Variants in DNA2 observed in about 807,000 individuals in gnomAD.
DNA2 encodes DNA replication ATP-dependent helicase/nuclease DNA2.
Under a neutral mutation model 119.1 loss-of-function variants are expected in DNA2, and 101 were observed. The observed-to-expected ratio is 0.85, with a 90% CI of 0.72 to 1.00. The LOEUF (loss-of-function observed/expected upper bound fraction) is 1.00, where lower values mean the gene tolerates loss of function less well. Ranked by LOEUF, DNA2 falls within the 50% of genes least tolerant of loss-of-function variation. The pLI, the probability that DNA2 is intolerant of heterozygous loss-of-function variation, is 0.00. For synonymous variants in DNA2, 366 were observed against 424.4 expected, an observed-to-expected ratio of 0.86 and a Z score of 1.69; for missense variants, 1,121 against 1,255.5, an observed-to-expected ratio of 0.89 and a Z score of 1.62.
intron 10 of DNA2, 39 bp downstream of exon 10, chr10:68,436,972 T>A (rs1046240429): frequency 1.7e-5 from 24 of 1,453,862 alleles, no homozygotes; most frequent in Non-Finnish European, 2.3e-5. Context: ...GAATTATATA[T>A]CAATAAAGCT....
At position 68,431,756 on chromosome 10, in the gene DNA2, C is replaced by A. The variant is rs1401453119; in HGVS notation, c.1983+106G>T. The A allele has an allele frequency of 8.7e-6, 6 of 688,458 alleles. No individual in the cohort carries two copies. In the East Asian group the frequency reaches 1.1e-4, roughly 12 times the overall value. 42.6% of individuals were successfully genotyped at this position (688,458 alleles called of 1,614,324 possible). A position where few individuals can be genotyped will look rare whatever the true frequency, so the allele number is the denominator to read the frequency against. Reference sequence around the variant, plus strand: ...CTAAAAAGTTCATTTGAAACAAAGACACTGAATTAAAATTCAGCCCTTTTG... The same window carrying A: ...CTAAAAAGTTCATTTGAAACAAAGAAACTGAATTAAAATTCAGCCCTTTTG... On this transcript the variant is annotated intron_variant, in intron 13 of 20. Transcript: ENST00000358410.
At position 68,422,428 on chromosome 10, in the gene DNA2, T is replaced by C. The variant is rs563046954; in HGVS notation, c.2494A>G (p.Lys832Glu). Residue 832 changes from lysine (K) to glutamate (E), a missense_variant and splice_region_variant, in exon 17 of 21, where the codon AAA (lysine) becomes GAA (glutamate). Transcript: ENST00000358410. ...QLTVQYRMNSKIMSLSNKLTY... is the reference protein window; with the variant it reads ...QLTVQYRMNSEIMSLSNKLTY... Reference sequence around the variant, plus strand: ...AGCTTATTACTTAAGGACATAATTTTACTAAGGGAATTACAAAAGATAACT... The same window carrying C: ...AGCTTATTACTTAAGGACATAATTTCACTAAGGGAATTACAAAAGATAACT... 47 of 1,613,348 alleles carry C rather than the reference T, an allele frequency of 2.9e-5. 2 individuals are homozygous for C. The highest frequency in any genetic ancestry group is 2.7e-4 in the East Asian group (12 of 44,886).
intron 6 of DNA2, among the ~76,000 whole-genome samples, chr10:68,449,047 C>G (rs1310738698): frequency 1.3e-5 from 2 of 149,628 alleles, no homozygotes; most frequent in African/African-American, 5.0e-5. Context: ...GATCCACCCA[C>G]CTCGGCCTCC....
chr10:68,450,973 T>C (rs1436699147), intron 5 of DNA2, among the ~76,000 whole-genome samples: 2 of 151,952 alleles, frequency 1.3e-5, no homozygotes, highest in African/African-American at 4.8e-5. Flanking sequence ...GGGTGGCACA[T>C]GCCTGTAATC....
rs748598380 is a variant in DNA2 at position 68,470,083 on chromosome 10, A to C, written c.155T>G (p.Val52Gly). The change falls in exon 2 of 21, where the codon GTC becomes GGC. Residue 52 changes from valine to glycine, a missense_variant. By Grantham distance (109) the Val-to-Gly change is moderately radical (BLOSUM62 -3). Transcript: ENST00000358410. ...GMDNRYLVLA[V>G]NTVQNKEGNC... ...TCCCTCTTTGTTCTGTACAGTATTG[A>C]CTGCCAACACCAGGTACCGGTTATC... The C allele has an allele frequency of 2.5e-6, 4 of 1,613,668 alleles. No homozygotes were observed. The highest frequency in any genetic ancestry group is 3.4e-6 in the Non-Finnish European group (4 of 1,179,854).
chr10:68,471,481 A>G (rs2281700), intron 1 of DNA2, among the ~76,000 whole-genome samples: 22,807 of 152,190 alleles, frequency 0.15, 1,871 homozygotes, highest in East Asian at 0.26. Flanking sequence ...AGAAAAGCCT[A>G]CGGCGGTTGC....
intron 14 of DNA2, among the ~76,000 whole-genome samples, chr10:68,429,270 C>T (rs115623116): frequency 0.026 from 3,905 of 147,954 alleles, 160 homozygotes; most frequent in African/African-American, 0.093. Flanking sequence ...AAAAGCCGGG[C>T]GCAGTAGTTC....
intron 9 of DNA2, among the ~76,000 whole-genome samples, 161 bp from the exon 10 acceptor site, chr10:68,437,402 G>A (rs1427544179): frequency 1.3e-5 from 2 of 151,928 alleles, no homozygotes; most frequent in Admixed American, 6.6e-5. Context: ...CCAGGAGGCC[G>A]AGGCGGGTGG....
chr10:68,439,720 CCA>C (rs920891947), intron 9 of DNA2, among the ~76,000 whole-genome samples: 7 of 151,916 alleles, frequency 4.6e-5, no homozygotes, highest in African/African-American at 1.7e-4. Context: ...GCCTGTAATC[CCA>C]GTTTACTCGG....
chr10:68,425,395 T>C (rs1025433073), intron 14 of DNA2, among the ~76,000 whole-genome samples: 1 of 150,220 alleles, frequency 6.7e-6, no homozygotes. Flanking sequence ...GGCCCGGCCA[T>C]GTTTGTGTTC....
intron 6 of DNA2, among the ~76,000 whole-genome samples, chr10:68,447,779 C>G (rs567572326): frequency 2.8e-4 from 43 of 151,522 alleles, no homozygotes; most frequent in African/African-American, 1.0e-3. Context: ...GTCAGGAGAT[C>G]GAGACCATCC....
intron 9 of DNA2, among the ~76,000 whole-genome samples, chr10:68,441,511 C>T (rs1299518919): frequency 6.6e-6 from 1 of 152,018 alleles, no homozygotes; most frequent in East Asian, 1.9e-4. Flanking sequence ...GGCAAGGTGG[C>T]TCACGCCTGT....
chr10:68,419,984 G>T, intron 17 of DNA2, 92 bp from the exon 18 acceptor site: 1 of 947,602 alleles, frequency 1.1e-6, no homozygotes, highest in Non-Finnish European at 1.6e-6. Flanking sequence ...CTACCGACTT[G>T]GAGATGAAAA....
intron 9 of DNA2, among the ~76,000 whole-genome samples, chr10:68,438,734 T>G (rs1016207189): frequency 6.6e-6 from 1 of 152,048 alleles, no homozygotes; most frequent in Non-Finnish European, 1.5e-5. Flanking sequence ...TGAAGTCATG[T>G]TATTAATATT....
chr10:68,420,875 G>T (rs986597668), intron 17 of DNA2, among the ~76,000 whole-genome samples: 1 of 151,862 alleles, frequency 6.6e-6, no homozygotes, highest in Non-Finnish European at 1.5e-5. Context: ...GGGGAGGGAG[G>T]TTATGAGAAA....
chr10:68,458,229 A>G (rs2052211010), intron 5 of DNA2, among the ~76,000 whole-genome samples: 1 of 151,980 alleles, frequency 6.6e-6, no homozygotes, highest in South Asian at 2.1e-4. Flanking sequence ...TTATAAATTG[A>G]TTACTTTATA....
intron 17 of DNA2, among the ~76,000 whole-genome samples, chr10:68,421,433 T>C (rs2051663623): frequency 6.6e-6 from 1 of 151,716 alleles, no homozygotes; most frequent in South Asian, 2.1e-4. Context: ...ATAAACCTCC[T>C]CCAAAAAATA....
chr10:68,422,738 G>T lies in DNA2; in HGVS notation c.2361C>A (p.Asp787Glu), dbSNP rs770111693. The T allele has an allele frequency of 3.1e-6, 5 of 1,611,750 alleles. No individual in the cohort carries two copies. In the Admixed American group the frequency reaches 8.4e-5, roughly 27 times the overall value. Residue 787 changes from aspartate (D) to glutamate (E), a missense_variant, in exon 15 of 21, where the codon GAC becomes GAA. Physicochemically the swap from Asp to Glu is conservative, Grantham distance 45 (BLOSUM62 2). Transcript: ENST00000358410. ...FFSRRFVLVG[D>E]HQQLPPLVLN... ...GCACCAGGGGAGGAAGCTGCTGATG[G>T]TCCCCCACTAACACAAATCTCCGTG...
chr10:68,458,552 AAAG>A (rs897792281), intron 5 of DNA2, among the ~76,000 whole-genome samples: 12 of 152,056 alleles, frequency 7.9e-5, no homozygotes, highest in South Asian at 6.2e-4. Flanking sequence ...AAAAAAAAAA[AAAG>A]AAGAAGAAAG....
Sources: allele counts gnomAD v4.1 joint callset (sites outside exome capture counted in the v4.1 genomes callset), GRCh38; gene constraint gnomAD v4.1.1; transcripts MANE v1.5; gene names NCBI Gene and HGNC (gene_info 2026-07-23, HGNC 2026-07-21).